Variants in BAIAP2 observed in about 807,000 individuals in gnomAD.
BAIAP2 encodes the protein BAR/IMD domain-containing adapter protein 2.
A neutral mutation model predicts 63.0 loss-of-function variants in BAIAP2; 18 were observed. The ratio of observed to expected loss-of-function variants is 0.29; its 90% CI spans 0.20 to 0.42. The LOEUF is 0.42. Among genes scored for constraint, BAIAP2 ranks in the 10% least tolerant of loss-of-function variants. The pLI is 1.00. For synonymous variants in BAIAP2, 386 were observed against 307.6 expected (o/e 1.25, Z -2.67); for missense variants, 610 against 734.3 (o/e 0.83, Z 1.96).
chr17:81,048,819 G>A (rs561933147), intron 1 of BAIAP2, among the ~76,000 whole-genome samples: 489 of 152,262 alleles, frequency 3.2e-3, no homozygotes, highest in African/African-American at 0.011. Flanking sequence ...TGGGACATCC[G>A]TCTCTGTGGA....
At chr17:81,092,710 G>A (rs2056979973) in intron 6 of BAIAP2, among the ~76,000 whole-genome samples, 1 of 152,086 alleles carries the variant, frequency 6.6e-6, no homozygotes, top group African/African-American at 2.4e-5. Flanking sequence ...GACGGCCTTG[G>A]GCAGCGGCAC....
At position 81,062,011 on chromosome 17, in the gene BAIAP2, C is replaced by T. The variant is rs369760557; in HGVS notation, c.217+4044C>T. On this transcript the variant is annotated intron_variant, in intron 3 of 13. Coordinates refer to ENST00000428708, the MANE Select transcript of BAIAP2 (RefSeq NM_001144888.2). ...AGGCTGGAGTGCAGGGGTGCAATCTCGGCTCACTGCCACCTTCACCTCCCA... is the reference window on the plus strand; with the variant it reads ...AGGCTGGAGTGCAGGGGTGCAATCTTGGCTCACTGCCACCTTCACCTCCCA... 7.9e-5 allele frequency among the ~76,000 whole-genome samples: 12 copies of T among 152,258 alleles called. No individual in the cohort carries two copies. The East Asian group carries it at 1.9e-3, about 24-fold the overall frequency.
chr17:81,071,839 G>GC (rs2052723346), intron 3 of BAIAP2, among the ~76,000 whole-genome samples: 1 of 152,262 alleles, frequency 6.6e-6, no homozygotes, highest in Non-Finnish European at 1.5e-5. Flanking sequence ...CAGTTCCCAC[G>GC]CCAAGTAGGG....
At chr17:81,088,974 C>T (rs1039844547) in intron 6 of BAIAP2, among the ~76,000 whole-genome samples, 1 of 152,340 alleles carries the variant, frequency 6.6e-6, no homozygotes, top group Non-Finnish European at 1.5e-5. Context: ...CGCACCAGCT[C>T]CCTGGTTTTC....
Position 81,057,977 on chromosome 17 carries a change from C to A in BAIAP2, c.217+10C>A, listed in dbSNP as rs113744386. 5.0e-4 allele frequency: 191 copies of A among 385,234 alleles called. 5 individuals carry two copies. The highest frequency in any genetic ancestry group is 1.1e-3 in the African/African-American group (31 of 27,176). 23.9% of individuals were successfully genotyped at this position (385,234 alleles called of 1,614,324 possible). ...GGCTCCAAAGAACTCGGTGAGACCC[C>A]CCCCCCCCCCCCGCCTGGTAGTCGC... On this transcript the variant is annotated intron_variant, in intron 3 of 13. Coordinates refer to ENST00000428708, the MANE Select transcript of BAIAP2 (RefSeq NM_001144888.2).
At chr17:81,052,925 C>T (rs2048898020) in intron 1 of BAIAP2, among the ~76,000 whole-genome samples, 1 of 152,214 alleles carries the variant, frequency 6.6e-6, no homozygotes, top group Non-Finnish European at 1.5e-5. Flanking sequence ...GGGGTTTCTG[C>T]TGGAGCTGCT....
At chr17:81,055,574 G>GTTTTTTTTTGTTTTTT (rs2049384045) in intron 2 of BAIAP2, among the ~76,000 whole-genome samples, 2 of 123,404 alleles carry the variant, frequency 1.6e-5, no homozygotes, top group Admixed American at 9.3e-5. Context: ...AGGGTGTTTT[G>GTTTTTTTTTGTTTTTT]TTTTTTTTTG....
intron 8 of BAIAP2, 69 bp downstream of exon 8, chr17:81,103,792 G>A (rs746634655): frequency 1.6e-5 from 26 of 1,576,124 alleles, no homozygotes; most frequent in Middle Eastern, 1.9e-4. Flanking sequence ...AGGGCGGGGG[G>A]CCGCCAGGGT....
Position 81,104,044 on chromosome 17 carries a change from C to T in BAIAP2, c.1002C>T (p.Ser334=), listed in dbSNP as rs752473401. ...CTCCGCAGTCTCAGAGCAAGCTCAG[C>T]GACTCCTACTCCAACACACTCCCCG... ...LSPPQSQSKL[S]DSYSNTLPVR... Residue 334 remains serine (S), a synonymous_variant, in exon 9 of 14, where the codon AGC becomes AGT. Coordinates refer to ENST00000428708, the MANE Select transcript of BAIAP2 (RefSeq NM_001144888.2). 7.4e-6 allele frequency: 12 copies of T among 1,613,182 alleles called. No individual in the cohort carries two copies. Among genetic ancestry groups the T allele is most frequent in the Middle Eastern group, 1.6e-4 (1 of 6,084 alleles).
intron 7 of BAIAP2, among the ~76,000 whole-genome samples, chr17:81,101,629 G>A (rs925203785): frequency 1.5e-5 from 2 of 136,904 alleles, no homozygotes; most frequent in African/African-American, 2.5e-5. Context: ...GTACGTGCGC[G>A]TGCGTGCACA....
intron 7 of BAIAP2, among the ~76,000 whole-genome samples, chr17:81,101,079 G>T (rs904451726): frequency 1.3e-5 from 2 of 151,282 alleles, no homozygotes; most frequent in Non-Finnish European, 3.0e-5. Flanking sequence ...TGTGTCTCCC[G>T]CTAGGTGTCC....
chr17:81,042,433 T>C (rs567449508), intron 1 of BAIAP2, among the ~76,000 whole-genome samples: 40 of 151,980 alleles, frequency 2.6e-4, no homozygotes, highest in Non-Finnish European at 4.7e-4. Context: ...TGGGATTACA[T>C]GTGTGAGCAA....
At chr17:81,098,094 G>A in intron 6 of BAIAP2, 1 of 1,353,538 alleles carries the variant, frequency 7.4e-7, no homozygotes, top group Non-Finnish European at 9.6e-7. Context: ...GGGTCATGGA[G>A]GGGCCAGCGG....
At chr17:81,096,948 A>G (rs2057722751) in intron 6 of BAIAP2, among the ~76,000 whole-genome samples, 14 of 151,962 alleles carry the variant, frequency 9.2e-5, no homozygotes, top group Admixed American at 7.9e-4. Context: ...GGTGGAGGAG[A>G]AAGTAGAGGA....
chr17:81,109,526 A>C (rs2059641991), intron 13 of BAIAP2: 2 of 985,476 alleles, frequency 2.0e-6, no homozygotes, highest in Non-Finnish European at 2.4e-6. Context: ...CGGACAGGGA[A>C]GGTGCTGGGG....
intron 3 of BAIAP2, among the ~76,000 whole-genome samples, chr17:81,079,136 G>A (rs533740499): frequency 2.6e-5 from 4 of 152,290 alleles, no homozygotes; most frequent in Non-Finnish European, 2.9e-5. Flanking sequence ...GATGCTGGCC[G>A]GGCATGCCTG....
intron 3 of BAIAP2, among the ~76,000 whole-genome samples, chr17:81,075,345 T>G (rs1469866722): frequency 6.6e-6 from 1 of 152,018 alleles, no homozygotes; most frequent in Non-Finnish European, 1.5e-5. Flanking sequence ...GCCCTCCCAG[T>G]CTCCTGGGCT....
chr17:81,109,099 T>G (rs1464068443), intron 13 of BAIAP2: 13 of 1,476,856 alleles, frequency 8.8e-6, no homozygotes, highest in African/African-American at 1.4e-5. Flanking sequence ...GTTCTTGGGT[T>G]GTTTTTCTTT....
chr17:81,097,840 G>C (rs2057891769), intron 6 of BAIAP2: 1 of 328,764 alleles, frequency 3.0e-6, no homozygotes, highest in African/African-American at 2.1e-5. Flanking sequence ...GACAGGGTCT[G>C]TGCCTCGGGT....
Sources: allele counts gnomAD v4.1 joint callset (sites outside exome capture counted in the v4.1 genomes callset), GRCh38; gene constraint gnomAD v4.1.1; transcripts MANE v1.5; gene names NCBI Gene and HGNC (gene_info 2026-07-23, HGNC 2026-07-21).